The following CDK14 variants were observed in gnomAD, a reference collection of about 807,000 sequenced individuals.
The protein encoded by CDK14 is cyclin-dependent kinase 14.
A neutral mutation model predicts 60.7 loss-of-function variants in CDK14; 34 were observed. The ratio of observed to expected loss-of-function variants is 0.56; its 90% CI spans 0.43 to 0.75. The LOEUF (loss-of-function observed/expected upper bound fraction) is 0.75, where lower values mean the gene tolerates loss of function less well. Ranked by LOEUF, CDK14 falls within the 30% of genes least tolerant of loss-of-function variation. CDK14 has a pLI of 0.00. For missense variants in CDK14, 482 were observed against 564.1 expected (o/e 0.85, Z 1.47); for synonymous variants, 197 against 203.7 (o/e 0.97, Z 0.28).
chr7:90,958,972 G>A lies in CDK14; in HGVS notation c.947+3155G>A, dbSNP rs115988613. Among the ~76,000 whole-genome samples the A allele has an allele frequency of 7.8e-3, 1,182 of 152,182 alleles. 20 individuals carry two copies. The highest frequency in any genetic ancestry group is 0.027 in the African/African-American group (1,141 of 41,536). ...AACCAAATGGACTGTGACATAATAT[G>A]TGTGTTTCTGAGGTGTAGCTCAGTA... On this transcript the variant is annotated intron_variant, in intron 9 of 14. Coordinates refer to ENST00000380050, the MANE Select transcript of CDK14 (RefSeq NM_001287135.2).
At chr7:90,790,715 AT>A in intron 5 of CDK14, 63 bp downstream of exon 5, 1 of 993,692 alleles carries the variant, frequency 1.0e-6, no homozygotes, top group Non-Finnish European at 1.6e-6. Flanking sequence ...CTATTTTAAT[AT>A]TATACACCTC....
At chr7:90,805,579 A>G (rs1020899203) in intron 5 of CDK14, among the ~76,000 whole-genome samples, 2 of 152,114 alleles carry the variant, frequency 1.3e-5, no homozygotes, top group Non-Finnish European at 2.9e-5. Flanking sequence ...AACAAAACAT[A>G]TTTAGAATTT....
At chr7:90,954,150 T>C (rs1228757376) in intron 8 of CDK14, among the ~76,000 whole-genome samples, 2 of 152,114 alleles carry the variant, frequency 1.3e-5, no homozygotes, top group African/African-American at 4.8e-5. Flanking sequence ...AACTGACTGG[T>C]AGAAAAAAAT....
intron 6 of CDK14, among the ~76,000 whole-genome samples, chr7:90,865,262 C>G (rs1299970503): frequency 1.3e-5 from 2 of 152,092 alleles, no homozygotes; most frequent in East Asian, 3.8e-4. Context: ...GTAGAAATTT[C>G]TTAGGGATAG....
intron 14 of CDK14, among the ~76,000 whole-genome samples, chr7:91,172,231 T>C (rs1162789908): frequency 1.3e-5 from 2 of 152,174 alleles, no homozygotes; most frequent in African/African-American, 2.4e-5. Flanking sequence ...CTCTTTCATA[T>C]CCATTATTTA....
chr7:90,718,856 G>T (rs774170356), intron 2 of CDK14, among the ~76,000 whole-genome samples: 19 of 152,100 alleles, frequency 1.2e-4, no homozygotes, highest in Non-Finnish European at 2.5e-4. Flanking sequence ...GATTCTAGTG[G>T]CAATGATTCT....
In CDK14 at chr7:90,774,340, T is replaced by C. The variant is rs189021730; in HGVS notation, c.465-16233T>C. ...TGTGTAGGTAGTTCTTTTTCAACTT[T>C]ATATTTAATTGAATAACTTTTTAAC... On this transcript the variant is annotated intron_variant, in intron 4 of 14. Coordinates refer to ENST00000380050, the MANE Select transcript of CDK14 (RefSeq NM_001287135.2). Among the ~76,000 whole-genome samples the C allele has an allele frequency of 9.8e-5, 15 of 152,312 alleles. 1 individual carries two copies. In the East Asian group the frequency reaches 2.1e-3, roughly 22 times the overall value.
intron 7 of CDK14, 30 bp downstream of exon 7, chr7:90,899,383 T>C (rs761968001): frequency 6.4e-7 from 1 of 1,553,946 alleles, no homozygotes; most frequent in African/African-American, 1.4e-5. Flanking sequence ...AGCCAAAGGT[T>C]AGCATTCTTG....
At chr7:90,900,465 CT>C (rs1159808149) in intron 7 of CDK14, among the ~76,000 whole-genome samples, 1 of 152,110 alleles carries the variant, frequency 6.6e-6, no homozygotes, top group Admixed American at 6.6e-5. Flanking sequence ...TTTTATTAAT[CT>C]TGTCTATGTT....
At chr7:90,887,310 C>T (rs925300771) in intron 6 of CDK14, among the ~76,000 whole-genome samples, 5 of 152,086 alleles carry the variant, frequency 3.3e-5, no homozygotes, top group Non-Finnish European at 4.4e-5. Context: ...TTTATATACA[C>T]TATATTGAAA....
At chr7:91,110,598 G>T (rs1434004594) in intron 12 of CDK14, among the ~76,000 whole-genome samples, 3 of 152,128 alleles carry the variant, frequency 2.0e-5, no homozygotes, top group Non-Finnish European at 4.4e-5. Flanking sequence ...TTAAGTACTT[G>T]TGCACCAACT....
rs181528193 is a variant in CDK14 at position 91,162,731 on chromosome 7, G to T, written c.*29-44434G>T. 3.3e-3 allele frequency among the ~76,000 whole-genome samples: 498 copies of T among 152,308 alleles called. 3 individuals carry two copies. The highest frequency in any genetic ancestry group is 5.2e-3 in the Non-Finnish European group (357 of 68,022). ...GTCATATCTACCTCATAGTATCGTT[G>T]TGAGGATTACATTAAATAGATTGAA... On this transcript the variant is annotated intron_variant, in intron 14 of 14. Coordinates refer to ENST00000380050, the MANE Select transcript of CDK14 (RefSeq NM_001287135.2).
At chr7:90,992,480 C>T (rs187509072) in intron 10 of CDK14, among the ~76,000 whole-genome samples, 3 of 152,286 alleles carry the variant, frequency 2.0e-5, no homozygotes, top group Admixed American at 2.0e-4. Flanking sequence ...AAATAACATT[C>T]CTGCTCTCAT....
At chr7:91,131,657 T>C (rs1184493427) in intron 14 of CDK14, among the ~76,000 whole-genome samples, 1 of 152,148 alleles carries the variant, frequency 6.6e-6, no homozygotes, top group African/African-American at 2.4e-5. Context: ...AGCCTTTGAC[T>C]CAGGATCAGT....
intron 2 of CDK14, among the ~76,000 whole-genome samples, chr7:90,658,183 G>C (rs1359055972): frequency 6.6e-6 from 1 of 152,098 alleles, no homozygotes; most frequent in Non-Finnish European, 1.5e-5. Context: ...CACCTAAATG[G>C]AATCACGCAC....
intron 2 of CDK14, among the ~76,000 whole-genome samples, chr7:90,659,869 CTCTCTCTGTGTGTGTG>C (rs903459541): frequency 4.1e-5 from 6 of 145,734 alleles, no homozygotes; most frequent in African/African-American, 1.6e-4. Flanking sequence ...CTCTCTCTCT[CTCTCTCTGTGTGTGTG>C]TGTGTGTGTG....
intron 3 of CDK14, among the ~76,000 whole-genome samples, chr7:90,744,218 G>A (rs1043777483): frequency 1.9e-4 from 29 of 152,094 alleles, no homozygotes; most frequent in African/African-American, 6.8e-4. Context: ...GACTCTTAAG[G>A]AGCATGCTGC....
intron 5 of CDK14, among the ~76,000 whole-genome samples, chr7:90,840,712 T>G (rs1259229048): frequency 6.6e-6 from 1 of 152,176 alleles, no homozygotes; most frequent in South Asian, 2.1e-4. Flanking sequence ...CTTTATCCTT[T>G]TTCCTGTTTT....
chr7:91,033,678 C>T (rs1016902967), intron 10 of CDK14, among the ~76,000 whole-genome samples: 12 of 152,176 alleles, frequency 7.9e-5, no homozygotes, highest in Admixed American at 5.9e-4. Flanking sequence ...TTTTGAGGCA[C>T]AGTTTCAGGC....
Sources: allele counts gnomAD v4.1 joint callset (sites outside exome capture counted in the v4.1 genomes callset), GRCh38; gene constraint gnomAD v4.1.1; transcripts MANE v1.5; gene names NCBI Gene and HGNC (gene_info 2026-07-23, HGNC 2026-07-21).